Variants in MED13L observed in about 807,000 individuals in gnomAD.
The protein encoded by MED13L is mediator of RNA polymerase II transcription subunit 13-like.
A neutral mutation model predicts 220.9 loss-of-function variants in MED13L; 7 were observed. That is an observed-to-expected ratio of 0.03 (90% CI 0.02 to 0.06). The LOEUF (loss-of-function observed/expected upper bound fraction) is 0.06. MED13L is among the 10% of genes least tolerant of loss of function. MED13L has a pLI of 1.00. For missense variants in MED13L, 1,965 were observed against 2,760.5 expected (o/e 0.71, Z 6.46); for synonymous variants, 1,011 against 1,015.2 (o/e 1.00, Z 0.08).
chr12:116,185,864 G>T (rs961214286), intron 2 of MED13L, among the ~76,000 whole-genome samples: 2 of 151,834 alleles, frequency 1.3e-5, no homozygotes, highest in Non-Finnish European at 2.9e-5. Context: ...CAGCTAATTT[G>T]TTTGTATTTT....
At chr12:116,201,691 A>T (rs1882013479) in intron 2 of MED13L, among the ~76,000 whole-genome samples, 1 of 152,116 alleles carries the variant, frequency 6.6e-6, no homozygotes, top group African/African-American at 2.4e-5. Flanking sequence ...GAGCACGTGT[A>T]TGGGTGCTTT....
At chr12:116,132,058 C>T (rs996841530) in intron 2 of MED13L, among the ~76,000 whole-genome samples, 1 of 152,088 alleles carries the variant, frequency 6.6e-6, no homozygotes, top group African/African-American at 2.4e-5. Context: ...GCGGGCGGAT[C>T]ACCTGAGGTC....
chr12:116,137,450 A>G (rs1876655925), intron 2 of MED13L, among the ~76,000 whole-genome samples: 1 of 152,228 alleles, frequency 6.6e-6, no homozygotes, highest in Non-Finnish European at 1.5e-5. Context: ...TGAATGAGCT[A>G]GAAACAGAAA....
chr12:116,138,724 T>C (rs1876798343), intron 2 of MED13L, among the ~76,000 whole-genome samples: 1 of 152,230 alleles, frequency 6.6e-6, no homozygotes, highest in African/African-American at 2.4e-5. Context: ...TCTAAGCAAA[T>C]GTTAGTCATT....
intron 2 of MED13L, among the ~76,000 whole-genome samples, chr12:116,192,293 G>C (rs1449936122): frequency 1.3e-5 from 2 of 152,130 alleles, no homozygotes; most frequent in Non-Finnish European, 2.9e-5. Context: ...CATAGTTGGG[G>C]AAATTTAACT....
At position 116,007,584 on chromosome 12, in the gene MED13L, G is replaced by C; in HGVS notation, c.2065C>G (p.Gln689Glu). Residue 689 changes from glutamine (Q) to glutamate (E), a missense_variant, in exon 11 of 31, where the codon CAG (glutamine) becomes GAG (glutamate). By Grantham distance (29) the Gln-to-Glu change is conservative (BLOSUM62 2). Transcript: ENST00000281928. The part of the protein sequence containing the change: ...RFKIWQDKQP[Q>E]LQPLHFLDPL... ...TCAAGGAAGTGGAGTGGCTGCAACTGGGGCTGTTTGTCTTGCCAGATTTTA... is the reference window on the plus strand; with the variant it reads ...TCAAGGAAGTGGAGTGGCTGCAACTCGGGCTGTTTGTCTTGCCAGATTTTA... The C allele has an allele frequency of 6.2e-7, 1 of 1,613,140 alleles. No individual in the cohort carries two copies. Among genetic ancestry groups the C allele is most frequent in the Non-Finnish European group, 8.5e-7 (1 of 1,179,872 alleles).
chr12:116,099,371 A>G (rs1872876548), intron 3 of MED13L, among the ~76,000 whole-genome samples: 1 of 152,204 alleles, frequency 6.6e-6, no homozygotes, highest in Non-Finnish European at 1.5e-5. Flanking sequence ...GTATATCTTA[A>G]AATTGATAAT....
intron 2 of MED13L, 106 bp downstream of exon 2, chr12:116,237,362 A>G: frequency 1.1e-6 from 1 of 924,242 alleles, no homozygotes; most frequent in Non-Finnish European, 1.7e-6. Flanking sequence ...TCCATGAAAC[A>G]CTTAAGATCG....
intron 1 of MED13L, among the ~76,000 whole-genome samples, chr12:116,256,964 C>T (rs545072441): frequency 2.0e-5 from 3 of 152,100 alleles, no homozygotes; most frequent in Admixed American, 1.3e-4. Context: ...CATGAGCCAC[C>T]GTGCCCAGCC....
intron 4 of MED13L, among the ~76,000 whole-genome samples, chr12:116,024,675 GA>G (rs1880260447): frequency 6.9e-6 from 1 of 144,726 alleles, no homozygotes; most frequent in Admixed American, 7.5e-5. Context: ...CTGGACCTTT[GA>G]AGTTTTATTT....
intron 2 of MED13L, among the ~76,000 whole-genome samples, chr12:116,215,901 AC>A (rs1294810739): frequency 6.6e-6 from 1 of 152,124 alleles, no homozygotes; most frequent in East Asian, 1.9e-4. Context: ...CCAACTGTTC[AC>A]CTAATTCTCT....
At chr12:116,276,913 G>T in intron 1 of MED13L, 147 bp downstream of exon 1, 1 of 1,001,314 alleles carries the variant, frequency 1.0e-6, no homozygotes, top group Non-Finnish European at 1.5e-6. Flanking sequence ...GATCCAAAAG[G>T]GGGAGAATCG....
chr12:115,986,179 A>T, intron 19 of MED13L, 87 bp downstream of exon 19: 1 of 1,367,642 alleles, frequency 7.3e-7, no homozygotes, highest in Non-Finnish European at 1.0e-6. Flanking sequence ...ATTTACTTTC[A>T]AGACATTTGT....
intron 5 of MED13L, 131 bp from the exon 6 acceptor site, chr12:116,020,103 T>C (rs950638339): frequency 2.3e-6 from 2 of 855,152 alleles, no homozygotes; most frequent in African/African-American, 3.4e-5. Context: ...CCTAACTCTA[T>C]TTAAAGTATG....
At chr12:116,048,602 A>G (rs1459649107) in intron 4 of MED13L, among the ~76,000 whole-genome samples, 2 of 152,206 alleles carry the variant, frequency 1.3e-5, no homozygotes, top group Non-Finnish European at 2.9e-5. Context: ...CACCTTCTTC[A>G]GCTGATAATG....
chr12:116,011,735 A>T (rs1291072402), intron 9 of MED13L, among the ~76,000 whole-genome samples: 1 of 152,210 alleles, frequency 6.6e-6, no homozygotes, highest in African/African-American at 2.4e-5. Flanking sequence ...CTTCAAAAAC[A>T]TCCTCCCTGA....
At chr12:116,195,479 A>T (rs1281317463) in intron 2 of MED13L, among the ~76,000 whole-genome samples, 1 of 152,130 alleles carries the variant, frequency 6.6e-6, no homozygotes, top group African/African-American at 2.4e-5. Context: ...TTTTTGAGAT[A>T]GAGTCTGGCT....
chr12:116,266,667 A>G (rs556955797), intron 1 of MED13L, among the ~76,000 whole-genome samples: 1 of 152,356 alleles, frequency 6.6e-6, no homozygotes, highest in East Asian at 1.9e-4. Flanking sequence ...TACAAGGTAA[A>G]TAGGCTAACC....
chr12:116,133,832 G>A (rs1021878694), intron 2 of MED13L, among the ~76,000 whole-genome samples: 4 of 152,300 alleles, frequency 2.6e-5, no homozygotes, highest in East Asian at 3.9e-4. Context: ...CCACCCTGCT[G>A]TGAGGAAACC....
Sources: allele counts gnomAD v4.1 joint callset (sites outside exome capture counted in the v4.1 genomes callset), GRCh38; gene constraint gnomAD v4.1.1; transcripts MANE v1.5; gene names NCBI Gene and HGNC (gene_info 2026-07-23, HGNC 2026-07-21).